Variants in MRTFA observed in about 807,000 individuals in gnomAD.
MRTFA encodes myocardin-related transcription factor A.
In MRTFA, 20 loss-of-function variants were observed where a neutral mutation model predicts 83.5. The ratio of observed to expected loss-of-function variants is 0.24; its 90% confidence interval spans 0.17 to 0.35. The LOEUF (loss-of-function observed/expected upper bound fraction) is 0.35. MRTFA is among the 10% of genes least tolerant of loss of function. The pLI is 1.00. For missense variants in MRTFA, 1,200 were observed against 1,224.7 expected, an observed-to-expected ratio of 0.98 and a Z score of 0.30; for synonymous variants, 659 against 541.2, an observed-to-expected ratio of 1.22 and a Z score of -3.02.
intron 7 of MRTFA, among the ~76,000 whole-genome samples, chr22:40,427,802 C>T (rs976893957): frequency 6.6e-6 from 1 of 152,044 alleles, no homozygotes; most frequent in African/African-American, 2.4e-5. Flanking sequence ...ACCAGAGACA[C>T]CAAGTGATTA....
intron 1 of MRTFA, among the ~76,000 whole-genome samples, chr22:40,626,459 T>C (rs1198235827): frequency 6.6e-6 from 1 of 152,028 alleles, no homozygotes; most frequent in Non-Finnish European, 1.5e-5. Context: ...CGCCCGGTTA[T>C]TTTTTGTATT....
chr22:40,472,825 A>G (rs2053937829), intron 3 of MRTFA, among the ~76,000 whole-genome samples: 1 of 152,228 alleles, frequency 6.6e-6, no homozygotes, highest in African/African-American at 2.4e-5. Flanking sequence ...GACCACAACA[A>G]ATTCACACAT....
At chr22:40,583,123 TTA>T (rs2055975221) in intron 2 of MRTFA, among the ~76,000 whole-genome samples, 1 of 152,120 alleles carries the variant, frequency 6.6e-6, no homozygotes, top group African/African-American at 2.4e-5. Context: ...TCTTCCCTGA[TTA>T]AAAAAAACAG....
chr22:40,494,687 A>AG (rs1053032835), intron 3 of MRTFA, among the ~76,000 whole-genome samples: 1 of 152,086 alleles, frequency 6.6e-6, no homozygotes, highest in African/African-American at 2.4e-5. Context: ...TCTAAAAAAA[A>AG]AAAAAAAATT....
intron 2 of MRTFA, among the ~76,000 whole-genome samples, chr22:40,566,912 C>T (rs1226601870): frequency 1.3e-5 from 2 of 152,146 alleles, no homozygotes; most frequent in Non-Finnish European, 2.9e-5. Context: ...TTCACCTTAG[C>T]GTGCCACCTG....
rs747189759 is a variant in MRTFA at position 40,429,458 on chromosome 22, A to T, written c.601+148T>A. The T allele has an allele frequency of 5.5e-6, 5 of 917,166 alleles. No homozygotes were observed. The South Asian group carries it at 7.0e-5, about 13-fold the overall frequency. 56.8% of individuals were successfully genotyped at this position (917,166 alleles called of 1,614,324 possible). A position where few individuals can be genotyped will look rare whatever the true frequency, so the allele number is the denominator to read the frequency against. ...CATACAACCTGTGCATGAGGCTCTC[A>T]AACTCTGTGCCTTGGTTCTCCCAAG... On this transcript the variant is annotated intron_variant, in intron 7 of 14. Transcript: ENST00000355630.
At chr22:40,491,732 G>A (rs115803268) in intron 3 of MRTFA, among the ~76,000 whole-genome samples, 2,613 of 152,078 alleles carry the variant, frequency 0.017, 75 homozygotes, top group African/African-American at 0.06. Context: ...AGCTCTGCAC[G>A]GTGGGGAAAA....
At chr22:40,525,198 A>T (rs713677) in intron 3 of MRTFA, among the ~76,000 whole-genome samples, 1 of 152,366 alleles carries the variant, frequency 6.6e-6, no homozygotes, top group Non-Finnish European at 1.5e-5. Flanking sequence ...TGGAAAAAAT[A>T]TAATGTCCCC....
In MRTFA at chr22:40,417,422, G is replaced by A. The variant is rs1386114094; in HGVS notation, c.2436C>T (p.Pro812=). ...GCAGAGAAGTGGGGGTCCCAAAGAG[G>A]GGCTGCAGTGGGTGCTCCAGGTCCA... The change falls in exon 13 of 15, where the codon CCC becomes CCT. Residue 812 remains proline (P), a synonymous_variant. Transcript: ENST00000355630. 6.2e-7 allele frequency: 1 copy of A among 1,609,280 alleles called. No homozygotes were observed. The highest frequency in any genetic ancestry group is 1.7e-5 in the Admixed American group (1 of 59,540).
At chr22:40,490,227 T>C (rs899105589) in intron 3 of MRTFA, among the ~76,000 whole-genome samples, 6 of 152,190 alleles carry the variant, frequency 3.9e-5, no homozygotes, top group Non-Finnish European at 7.3e-5. Flanking sequence ...CCTTTAATGT[T>C]GCCATGGTGT....
chr22:40,411,292 ACT>A lies in MRTFA; in HGVS notation c.*96_*97del. 14 of 1,300,236 alleles carry A rather than the reference ACT, an allele frequency of 1.1e-5. No individual in the cohort carries two copies. In the South Asian group the frequency reaches 1.8e-4, roughly 17 times the overall value. The allele number at this position is 1,300,236 out of a possible 1,614,324, so 80.5% of individuals were successfully genotyped here. ...AAAAGCAGGGGCTGTGATTGTCAAG[ACT>A]CACAACCATGTGGAGAGGCCGAATC... is the stretch of plus-strand genomic sequence containing the variant. On this transcript the variant is annotated 3_prime_UTR_variant, in exon 15 of 15. Coordinates refer to ENST00000355630, the MANE Select transcript of MRTFA (RefSeq NM_020831.6).
intron 1 of MRTFA, among the ~76,000 whole-genome samples, chr22:40,633,735 TTATTA>T (rs2056664992): frequency 6.6e-6 from 1 of 152,116 alleles, no homozygotes; most frequent in South Asian, 2.1e-4. Context: ...TAAGCTTTAT[TTATTA>T]TATCGCCTTA....
intron 3 of MRTFA, among the ~76,000 whole-genome samples, chr22:40,543,764 A>T (rs145008975): frequency 6.6e-6 from 1 of 152,360 alleles, no homozygotes; most frequent in East Asian, 1.9e-4. Context: ...TATTTACAGT[A>T]TAATATTATA....
At chr22:40,607,134 G>C (rs1408775329) in intron 1 of MRTFA, among the ~76,000 whole-genome samples, 1 of 152,140 alleles carries the variant, frequency 6.6e-6, no homozygotes, top group Non-Finnish European at 1.5e-5. Context: ...ACTGTGCTGG[G>C]TGAAGCCATA....
chr22:40,586,952 CGCT>C, intron 2 of MRTFA: 1 of 448,084 alleles, frequency 2.2e-6, no homozygotes, highest in Non-Finnish European at 4.6e-6. Context: ...CCACCGCCGC[CGCT>C]GCCTTATCCA....
intron 1 of MRTFA, among the ~76,000 whole-genome samples, chr22:40,598,914 C>G (rs1171027680): frequency 6.6e-6 from 1 of 151,418 alleles, no homozygotes; most frequent in East Asian, 1.9e-4. Context: ...CTGCTTGAAC[C>G]CGGGAGGCAG....
At position 40,574,440 on chromosome 22, in the gene MRTFA, A is replaced by ATTTT. The variant is rs1556012318; in HGVS notation, c.-22+20230_-22+20233dup. Reference sequence around the variant, plus strand: ...CACTGCATTAGTTATTATTATTATTATTTTTTTTTTTTGAGATGGAGCCTT... The same window carrying ATTTT: ...CACTGCATTAGTTATTATTATTATTATTTTTTTTTTTTTTTTGAGATGGAGCCTT... On this transcript the variant is annotated intron_variant, in intron 2 of 14. Transcript: ENST00000355630. Among the ~76,000 whole-genome samples, 457 of 147,770 alleles carry ATTTT rather than the reference A, an allele frequency of 3.1e-3. 4 individuals carry two copies. The highest frequency in any genetic ancestry group is 0.025 in the Middle Eastern group (7 of 284).
At chr22:40,478,042 C>A (rs1261643151) in intron 3 of MRTFA, among the ~76,000 whole-genome samples, 1 of 151,962 alleles carries the variant, frequency 6.6e-6, no homozygotes, top group Admixed American at 6.6e-5. Context: ...GCTATCAATA[C>A]CAAAATAGTT....
intron 3 of MRTFA, among the ~76,000 whole-genome samples, chr22:40,514,263 C>T (rs2054718468): frequency 6.6e-6 from 1 of 151,478 alleles, no homozygotes; most frequent in Non-Finnish European, 1.5e-5. Context: ...CAAATAAATA[C>T]ATAATTAAAT....
Sources: gnomAD v4.1 joint callset for allele counts (sites outside exome capture counted in the v4.1 genomes callset) on GRCh38, gnomAD v4.1.1 for gene constraint, MANE v1.5 for transcripts, NCBI Gene and HGNC (gene_info 2026-07-23, HGNC 2026-07-21) for gene names.